The following WHRN variants were observed in gnomAD, a reference collection of about 807,000 sequenced individuals.
WHRN encodes whirlin.
Under a neutral mutation model 68.3 loss-of-function variants are expected in WHRN, and 41 were observed. That is an observed-to-expected ratio of 0.60 (90% CI 0.47 to 0.78). The LOEUF (loss-of-function observed/expected upper bound fraction) is 0.78, where lower values mean the gene tolerates loss of function less well. Among genes scored for constraint, WHRN ranks in the 30% least tolerant of loss-of-function variants. WHRN has a pLI of 0.00. For synonymous variants in WHRN, 560 were observed against 561.3 expected, an observed-to-expected ratio of 1.00 and a Z score of 0.03; for missense variants, 1,243 against 1,244.7, an observed-to-expected ratio of 1.00 and a Z score of 0.02.
rs889211270 is a variant in WHRN, at chr9:114,424,549, G to A, written c.1204-3C>T. 6.2e-7 allele frequency: 1 copy of A among 1,608,328 alleles called. No homozygotes were observed. Among genetic ancestry groups the A allele is most frequent in the Non-Finnish European group, 8.5e-7 (1 of 1,177,250 alleles). On this transcript the variant is annotated splice_polypyrimidine_tract_variant and splice_region_variant and intron_variant, in intron 5 of 11. Coordinates refer to ENST00000362057, the MANE Select transcript of WHRN (RefSeq NM_015404.4). ...GCTGGGCCCTTGTAAAATCCTGGCT[G>A]CAAGACAGAAAGATAGAAGCCCAGG... is the stretch of plus-strand genomic sequence containing the variant.
intron 3 of WHRN, among the ~76,000 whole-genome samples, chr9:114,443,560 G>A (rs563589235): frequency 1.3e-5 from 2 of 152,194 alleles, no homozygotes; most frequent in African/African-American, 2.4e-5. Context: ...GTGATGACAC[G>A]CGACCCACCA....
At chr9:114,495,673 T>C (rs1843394959) in intron 1 of WHRN, among the ~76,000 whole-genome samples, 1 of 152,160 alleles carries the variant, frequency 6.6e-6, no homozygotes. Context: ...TACATGTATA[T>C]GGACCTGAGA....
chr9:114,443,030 T>C (rs1295426577), intron 3 of WHRN, among the ~76,000 whole-genome samples: 1 of 152,230 alleles, frequency 6.6e-6, no homozygotes, highest in Non-Finnish European at 1.5e-5. Context: ...TTTCCACTTC[T>C]GTGCTTCATA....
chr9:114,427,100 AAAT>A (rs1166390700), intron 3 of WHRN, among the ~76,000 whole-genome samples: 16 of 152,138 alleles, frequency 1.1e-4, no homozygotes, highest in Admixed American at 9.8e-4. Flanking sequence ...CCATTTCTAA[AAAT>A]AATAATAGCC....
Position 114,504,944 on chromosome 9 carries a change from G to A in WHRN, c.-143C>T, listed in dbSNP as rs549901134. On this transcript the variant is annotated 5_prime_UTR_variant, in exon 1 of 12. Transcript: ENST00000362057. ...TGGGTTTGGGGAGCACGGGTACAGT[G>A]GCTGGATCCTAGGGGGTCGCGGAGA... 1.6e-6 allele frequency: 2 copies of A among 1,217,274 alleles called. No individual in the cohort carries two copies. The highest frequency in any genetic ancestry group is 2.4e-5 in the South Asian group (1 of 41,828). The allele number at this position is 1,217,274 out of a possible 1,614,324, so 75.4% of individuals were successfully genotyped here.
chr9:114,496,538 CCAAA>C (rs139491191), intron 1 of WHRN, among the ~76,000 whole-genome samples: 3,367 of 152,220 alleles, frequency 0.022, 36 homozygotes, highest in African/African-American at 0.035. Flanking sequence ...AACCAACCAA[CCAAA>C]CAAACAAACA....
chr9:114,465,554 G>T (rs1840607848), intron 3 of WHRN, among the ~76,000 whole-genome samples: 1 of 152,142 alleles, frequency 6.6e-6, no homozygotes, highest in Non-Finnish European at 1.5e-5. Flanking sequence ...CCAAACACAT[G>T]GTGCTCTTTA....
At chr9:114,489,093 G>A (rs568645946) in intron 1 of WHRN, among the ~76,000 whole-genome samples, 9 of 152,246 alleles carry the variant, frequency 5.9e-5, no homozygotes, top group East Asian at 5.8e-4. Flanking sequence ...GCCTTTGCAC[G>A]TGATGCTCTG....
At position 114,425,263 on chromosome 9, in the gene WHRN, T is replaced by G. The variant is rs1235679084; in HGVS notation, c.1167-239A>C. The G allele has an allele frequency of 6.1e-6, 4 of 659,472 alleles. No homozygotes were observed. The Admixed American group carries it at 8.7e-5, about 14-fold the overall frequency. 40.9% of individuals were successfully genotyped at this position (659,472 alleles called of 1,614,324 possible). Reference sequence around the variant, plus strand: ...ACGGCACCTCCAAAACCACCCGAGGTGGGCTCCTGAGTTGTTGCCAACCCC... The same window carrying G: ...ACGGCACCTCCAAAACCACCCGAGGGGGGCTCCTGAGTTGTTGCCAACCCC... On this transcript the variant is annotated intron_variant, in intron 4 of 11. Transcript: ENST00000362057.
chr9:114,427,080 T>C (rs910001009), intron 3 of WHRN, among the ~76,000 whole-genome samples: 1 of 151,944 alleles, frequency 6.6e-6, no homozygotes, highest in Non-Finnish European at 1.5e-5. Flanking sequence ...GCCTGGGCAA[T>C]AGTGAGATTC....
intron 3 of WHRN, among the ~76,000 whole-genome samples, chr9:114,430,662 T>C (rs914843658): frequency 4.6e-5 from 7 of 152,204 alleles, no homozygotes; most frequent in Admixed American, 1.3e-4. Flanking sequence ...GCGAGTCACA[T>C]TGTCCTCATG....
At chr9:114,459,999 G>T (rs780320501) in intron 3 of WHRN, among the ~76,000 whole-genome samples, 4 of 152,164 alleles carry the variant, frequency 2.6e-5, no homozygotes, top group Non-Finnish European at 4.4e-5. Context: ...CAGAGATCCT[G>T]TTCCAAGGAG....
Position 114,444,320 on chromosome 9 carries a change from C to T in WHRN, c.964-17907G>A, listed in dbSNP as rs1338899697. Among the ~76,000 whole-genome samples the T allele has an allele frequency of 3.3e-5, 5 of 152,170 alleles. No homozygotes were observed. The East Asian group carries it at 5.8e-4, about 18-fold the overall frequency. On this transcript the variant is annotated intron_variant, in intron 3 of 11. Transcript: ENST00000362057. ...CATGGTTATACAGAATTTAAATTTA[C>T]AAAAAGAATTTGAACCCCCTCCAAA...
intron 3 of WHRN, among the ~76,000 whole-genome samples, chr9:114,459,369 CAGG>C (rs895053906): frequency 1.3e-5 from 2 of 151,896 alleles, no homozygotes; most frequent in Non-Finnish European, 2.9e-5. Context: ...GAGGCTGAAG[CAGG>C]AGAATTGCTT....
chr9:114,424,536 T>C lies in WHRN; in HGVS notation c.1214A>G (p.Tyr405Cys). 6.2e-7 allele frequency: 1 copy of C among 1,612,088 alleles called. No homozygotes were observed. Among genetic ancestry groups the C allele is most frequent in the Admixed American group, 1.7e-5 (1 of 59,674 alleles). ...CACCTGGGAGCCGGCTGGGCCCTTG[T>C]AAAATCCTGGCTGCAAGACAGAAAG... ...TTEGINKPGF[Y>C]KGPAGSQVTL... Residue 405 changes from tyrosine to cysteine, a missense_variant, in exon 6 of 12, where the codon TAC becomes TGC. Physicochemically the swap from Tyr to Cys is radical, Grantham distance 194. Transcript: ENST00000362057.
chr9:114,504,936 G>A lies in WHRN; in HGVS notation c.-135C>T, dbSNP rs1844277900. On this transcript the variant is annotated 5_prime_UTR_variant, in exon 1 of 12. Transcript: ENST00000362057. ...CTGGAGCCTGGGTTTGGGGAGCACG[G>A]GTACAGTGGCTGGATCCTAGGGGGT... 1.6e-6 allele frequency: 2 copies of A among 1,252,600 alleles called. No individual in the cohort carries two copies. The highest frequency in any genetic ancestry group is 2.3e-5 in the South Asian group (1 of 43,478). The allele number at this position is 1,252,600 out of a possible 1,614,324, so 77.6% of individuals were successfully genotyped here. A position where few individuals can be genotyped will look rare whatever the true frequency, so the allele number is the denominator to read the frequency against.
chr9:114,439,575 T>C (rs908205138), intron 3 of WHRN, among the ~76,000 whole-genome samples: 1 of 152,188 alleles, frequency 6.6e-6, no homozygotes, highest in African/African-American at 2.4e-5. Context: ...TGAGTGAACT[T>C]ACGTTTTAGA....
chr9:114,457,213 A>G (rs1176328112), intron 3 of WHRN, among the ~76,000 whole-genome samples: 1 of 152,220 alleles, frequency 6.6e-6, no homozygotes, highest in Non-Finnish European at 1.5e-5. Flanking sequence ...TGTTCTTCAA[A>G]TAAAAGGAAC....
intron 4 of WHRN, chr9:114,425,626 C>CAGAGAG (rs1187210795): frequency 4.0e-6 from 1 of 253,158 alleles, no homozygotes; most frequent in African/African-American, 2.3e-5. Context: ...CACACACACA[C>CAGAGAG]ACACAGAGAG....
Sources: gnomAD v4.1 joint callset for allele counts (sites outside exome capture counted in the v4.1 genomes callset) on GRCh38, gnomAD v4.1.1 for gene constraint, MANE v1.5 for transcripts, NCBI Gene and HGNC (gene_info 2026-07-23, HGNC 2026-07-21) for gene names.